CSMD1: variants seen among roughly 807,000 people sequenced by gnomAD.
The protein encoded by CSMD1 is CUB and sushi domain-containing protein 1.
In CSMD1, 213 loss-of-function variants were observed where a neutral mutation model predicts 417.5. The ratio of observed to expected loss-of-function variants is 0.51; its 90% CI spans 0.46 to 0.57. CSMD1 has a LOEUF of 0.57. CSMD1 is among the 20% of genes least tolerant of loss of function. CSMD1 has a pLI of 0.00. For synonymous variants in CSMD1, 2,862 were observed against 1,736.8 expected (o/e 1.65, Z -16.11); for missense variants, 6,923 against 4,529.7 (o/e 1.53, Z -15.17).
intron 3 of CSMD1, among the ~76,000 whole-genome samples, chr8:4,220,669 A>G (rs1800975605): frequency 6.6e-6 from 1 of 152,194 alleles, no homozygotes; most frequent in East Asian, 1.9e-4. Flanking sequence ...TGGCTTAGCA[A>G]AAGAAGGAAA....
chr8:4,774,671 T>C (rs961373692), intron 1 of CSMD1, among the ~76,000 whole-genome samples: 3 of 152,266 alleles, frequency 2.0e-5, no homozygotes, highest in African/African-American at 7.2e-5. Context: ...ATGTTGGAGA[T>C]GGCAGAAGTA....
chr8:4,364,821 T>A (rs1202528718), intron 3 of CSMD1, among the ~76,000 whole-genome samples: 1 of 28,098 alleles, frequency 3.6e-5, no homozygotes, highest in South Asian at 1.0e-3. Flanking sequence ...CGAGACTCCT[T>A]CTCAAAAAAA....
chr8:3,044,033 A>T (rs566301309), intron 50 of CSMD1, among the ~76,000 whole-genome samples: 3 of 152,186 alleles, frequency 2.0e-5, no homozygotes, highest in Admixed American at 1.3e-4. Flanking sequence ...ATCCTCTTCC[A>T]TTGCAAGCTG....
chr8:3,544,066 A>C (rs1288063311), intron 10 of CSMD1, among the ~76,000 whole-genome samples: 2 of 152,140 alleles, frequency 1.3e-5, no homozygotes, highest in African/African-American at 2.4e-5. Context: ...ACCACAGGCC[A>C]AGGTGTGAGA....
intron 1 of CSMD1, among the ~76,000 whole-genome samples, chr8:4,786,304 C>A (rs997929769): frequency 1.3e-5 from 2 of 152,186 alleles, no homozygotes; most frequent in Admixed American, 6.5e-5. Flanking sequence ...AACACTCCTA[C>A]AACCAGGTTT....
At chr8:3,533,825 C>T (rs1024262395) in intron 10 of CSMD1, among the ~76,000 whole-genome samples, 2 of 151,992 alleles carry the variant, frequency 1.3e-5, no homozygotes, top group Non-Finnish European at 2.9e-5. Flanking sequence ...CTTTTTTTCT[C>T]CCAAGTAGCT....
At chr8:3,811,257 G>C (rs926708329) in intron 5 of CSMD1, among the ~76,000 whole-genome samples, 23 of 152,206 alleles carry the variant, frequency 1.5e-4, no homozygotes, top group Admixed American at 1.4e-3. Context: ...ATGAAACTTA[G>C]AGAGCAATTA....
chr8:2,952,746 G>A (rs1310523686), intron 65 of CSMD1, among the ~76,000 whole-genome samples: 1 of 152,156 alleles, frequency 6.6e-6, no homozygotes, highest in Non-Finnish European at 1.5e-5. Flanking sequence ...ACTTGTTCAA[G>A]CATTCACTTA....
At chr8:3,713,650 A>T (rs1293884199) in intron 6 of CSMD1, among the ~76,000 whole-genome samples, 1 of 152,226 alleles carries the variant, frequency 6.6e-6, no homozygotes, top group African/African-American at 2.4e-5. Flanking sequence ...TGTCTGAAAG[A>T]AGCTTTACCT....
At chr8:4,949,107 G>A (rs1316278063) in intron 1 of CSMD1, among the ~76,000 whole-genome samples, 2 of 152,186 alleles carry the variant, frequency 1.3e-5, no homozygotes, top group East Asian at 3.9e-4. Context: ...ATCTGTAAAT[G>A]TGGTAAATGG....
intron 5 of CSMD1, among the ~76,000 whole-genome samples, chr8:3,994,392 TCTTC>T (rs1815037605): frequency 6.6e-6 from 1 of 151,356 alleles, no homozygotes; most frequent in Admixed American, 6.6e-5. Flanking sequence ...CAATTTTCTT[TCTTC>T]TTGATATTAT....
chr8:4,579,861 G>A (rs1020269809), intron 2 of CSMD1, among the ~76,000 whole-genome samples: 1 of 152,096 alleles, frequency 6.6e-6, no homozygotes, highest in Non-Finnish European at 1.5e-5. Context: ...TTTCCCAAGT[G>A]TAAAACTTTA....
intron 12 of CSMD1, among the ~76,000 whole-genome samples, chr8:3,458,183 G>C (rs1816277949): frequency 6.6e-6 from 1 of 152,164 alleles, no homozygotes; most frequent in South Asian, 2.1e-4. Flanking sequence ...TACATGTTGG[G>C]AAGGGAGAGT....
Position 4,330,597 on chromosome 8 carries a change from A to AAAT in CSMD1, c.415+89355_415+89356insATT, listed in dbSNP as rs1799813422. ...AGAGTGAAACCCTGTCTCAAAAAAA[A>AAAT]AAAAAGTATTTTGTAATAGCTCATA... On this transcript the variant is annotated intron_variant, in intron 3 of 69. Transcript: ENST00000635120. Among the ~76,000 whole-genome samples, 4 of 151,988 alleles carry AAAT rather than the reference A, an allele frequency of 2.6e-5. No homozygotes were observed. The South Asian group carries it at 8.3e-4, about 32-fold the overall frequency.
intron 2 of CSMD1, among the ~76,000 whole-genome samples, chr8:4,595,206 C>G (rs187583206): frequency 6.6e-6 from 1 of 151,600 alleles, no homozygotes; most frequent in East Asian, 1.9e-4. Context: ...AATGTAGACA[C>G]GTAGGAACAG....
intron 23 of CSMD1, among the ~76,000 whole-genome samples, chr8:3,324,455 G>C (rs1227977893): frequency 7.0e-6 from 1 of 143,826 alleles, no homozygotes; most frequent in Non-Finnish European, 1.5e-5. Flanking sequence ...AGGAGTGGGA[G>C]TTTCCTTCCC....
chr8:3,053,025 G>A (rs779154810), intron 49 of CSMD1, among the ~76,000 whole-genome samples: 9 of 152,044 alleles, frequency 5.9e-5, no homozygotes, highest in East Asian at 1.9e-4. Flanking sequence ...CAGGTGATCC[G>A]TCCACCTTAG....
rs532738519 is a variant in CSMD1, at chr8:3,228,600, G to A, written c.4345+1440C>T. Reference sequence around the variant, plus strand: ...CTACCTAGTGGCTGGTCAAAATAAAGTAACTAAGAGATGATCTAACAGAAG... The same window carrying A: ...CTACCTAGTGGCTGGTCAAAATAAAATAACTAAGAGATGATCTAACAGAAG... On this transcript the variant is annotated intron_variant, in intron 27 of 69. Coordinates refer to ENST00000635120, the MANE Select transcript of CSMD1 (RefSeq NM_033225.6). 4.7e-4 allele frequency among the ~76,000 whole-genome samples: 72 copies of A among 152,192 alleles called. 2 individuals carry two copies. In the South Asian group the frequency reaches 0.014, roughly 30 times the overall value.
At chr8:3,415,822 ACTT>A (rs1164228814) in intron 12 of CSMD1, among the ~76,000 whole-genome samples, 2 of 152,214 alleles carry the variant, frequency 1.3e-5, no homozygotes, top group African/African-American at 4.8e-5. Context: ...GGAAGACAAA[ACTT>A]CTTTATTGGT....
Sources: allele counts gnomAD v4.1 joint callset (sites outside exome capture counted in the v4.1 genomes callset), GRCh38; gene constraint gnomAD v4.1.1; transcripts MANE v1.5; gene names NCBI Gene and HGNC (gene_info 2026-07-23, HGNC 2026-07-21).